The following DMD variants were observed in gnomAD, a reference collection of about 807,000 sequenced individuals.
The protein encoded by DMD is dystrophin, also known as mutant dystrophin.
A neutral mutation model predicts 330.1 loss-of-function variants in DMD; 63 were observed. That is an observed-to-expected ratio of 0.19 (90% CI 0.16 to 0.24). The LOEUF is 0.24. DMD is among the 10% of genes least tolerant of loss of function. DMD has a pLI of 1.00. For synonymous variants in DMD, 1,223 were observed against 959.8 expected (o/e 1.27, Z -5.07); for missense variants, 3,344 against 2,684.1 (o/e 1.25, Z -5.43).
chrX:33,310,214 T>A (rs1222367842), intron 1 of DMD, among the ~76,000 whole-genome samples: 2 of 111,745 alleles, frequency 1.8e-5, no homozygotes, highest in African/African-American at 6.5e-5. Context: ...AAATAATTTA[T>A]TCTGTATAAA....
intron 1 of DMD, among the ~76,000 whole-genome samples, chrX:33,233,906 A>T (rs1266582380): frequency 8.9e-6 from 1 of 112,551 alleles, no homozygotes; most frequent in Non-Finnish European, 1.9e-5. Flanking sequence ...GGGATAACCG[A>T]GCAAAAGCCA....
intron 17 of DMD, among the ~76,000 whole-genome samples, chrX:32,521,857 A>AC (rs2046457283): frequency 8.9e-6 from 1 of 111,823 alleles, no homozygotes; most frequent in African/African-American, 3.3e-5. Context: ...ATATTAAAAG[A>AC]TGGGGCATTT....
At chrX:33,012,015 A>G (rs967668668) in intron 2 of DMD, among the ~76,000 whole-genome samples, 1 of 111,749 alleles carries the variant, frequency 8.9e-6, no homozygotes, top group East Asian at 2.8e-4. Context: ...CCTAGAGACC[A>G]AAACATTTAC....
intron 34 of DMD, among the ~76,000 whole-genome samples, chrX:32,371,600 C>T (rs763019272): frequency 9.0e-6 from 1 of 111,417 alleles, no homozygotes; most frequent in East Asian, 2.8e-4. Flanking sequence ...ATAGATTAGA[C>T]TTTGTCAAAG....
chrX:32,287,748 T>C, intron 42 of DMD, 47 bp from the exon 43 acceptor site: 1 of 912,483 alleles, frequency 1.1e-6, no homozygotes. Flanking sequence ...ATTAGCTGTC[T>C]ATAGAAAGAG....
intron 1 of DMD, among the ~76,000 whole-genome samples, chrX:33,152,528 A>G (rs952471792): frequency 9.4e-6 from 1 of 106,773 alleles, no homozygotes; most frequent in Non-Finnish European, 2.0e-5. Context: ...CCACACACGG[A>G]GTTTGTGATT....
At chrX:32,791,143 G>A (rs1049694861) in intron 7 of DMD, among the ~76,000 whole-genome samples, 6 of 111,456 alleles carry the variant, frequency 5.4e-5, no homozygotes, top group South Asian at 3.8e-4. Flanking sequence ...CCATCTGCAG[G>A]CCTAGGAACT....
intron 7 of DMD, among the ~76,000 whole-genome samples, chrX:32,721,868 A>G (rs1396899651): frequency 1.8e-5 from 2 of 108,798 alleles, no homozygotes; most frequent in Non-Finnish European, 3.8e-5. Flanking sequence ...TTTTGTGTAC[A>G]GTATAAGACA....
At chrX:31,376,152 C>T (rs1001276687) in intron 60 of DMD, among the ~76,000 whole-genome samples, 3 of 112,412 alleles carry the variant, frequency 2.7e-5, no homozygotes, top group Non-Finnish European at 5.6e-5. Context: ...CTCTGAGGAA[C>T]TGCATGGAAG....
At chrX:32,460,571 T>C (rs1272203806) in intron 25 of DMD, among the ~76,000 whole-genome samples, 3 of 111,257 alleles carry the variant, frequency 2.7e-5, no homozygotes. Context: ...TCCATATTCC[T>C]TTCTGACTCA....
rs750432637 is a variant in DMD at position 32,192,903 on chromosome X, C to T, written c.6438+24013G>A. 5.4e-5 allele frequency among the ~76,000 whole-genome samples: 6 copies of T among 111,839 alleles called. No homozygotes were observed. The South Asian group carries it at 2.3e-3, about 43-fold the overall frequency. On this transcript the variant is annotated intron_variant, in intron 44 of 78. Transcript: ENST00000357033. ...ACATGGATATCATTTGGATATGTGT[C>T]CCCGCCCAAATCTCATCTTGAAATG...
chrX:32,292,332 GCT>G (rs1418408329), intron 42 of DMD, among the ~76,000 whole-genome samples: 1 of 40,601 alleles, frequency 2.5e-5, no homozygotes, highest in Admixed American at 3.2e-4. Flanking sequence ...ATGGAGTCTA[GCT>G]CTGTCACCCA....
In DMD at chrX:31,978,941, AG is replaced by A. The variant is rs758534796; in HGVS notation, c.6439-10428del. On this transcript the variant is annotated intron_variant, in intron 44 of 78. Transcript: ENST00000357033. ...TATTGTGAATACATTTTCAAGCAAA[AG>A]TTATCTATCCTATAAATTGGGAATA... Among the ~76,000 whole-genome samples the A allele has an allele frequency of 8.9e-5, 10 of 112,255 alleles. No homozygotes were observed. The South Asian group carries it at 3.7e-3, about 41-fold the overall frequency.
intron 1 of DMD, among the ~76,000 whole-genome samples, chrX:33,202,564 C>T (rs1394539907): frequency 8.9e-6 from 1 of 111,831 alleles, no homozygotes; most frequent in Non-Finnish European, 1.9e-5. Flanking sequence ...TATGCACACA[C>T]AAGGTACTGT....
At chrX:31,875,427 A>AATGTTT in intron 47 of DMD, 54 bp from the exon 48 acceptor site, 2 of 931,634 alleles carry the variant, frequency 2.1e-6, no homozygotes, top group Non-Finnish European at 3.0e-6. Context: ...CATAAGCCAA[A>AATGTTT]ATGTTTAAAA....
intron 1 of DMD, among the ~76,000 whole-genome samples, chrX:33,052,540 G>C (rs1436950529): frequency 9.0e-6 from 1 of 111,109 alleles, no homozygotes; most frequent in Non-Finnish European, 1.9e-5. Context: ...TGATTCAAAG[G>C]GGAATTCAAG....
At chrX:31,601,727 A>C in intron 55 of DMD, among the ~76,000 whole-genome samples, 1 of 111,917 alleles carries the variant, frequency 8.9e-6, no homozygotes, top group Middle Eastern at 4.6e-3. Context: ...AAAAGGAAAA[A>C]GGTGGTATTA....
intron 9 of DMD, among the ~76,000 whole-genome samples, chrX:32,647,183 A>G (rs2059837026): frequency 9.0e-6 from 1 of 111,561 alleles, no homozygotes; most frequent in Admixed American, 9.6e-5. Context: ...TGAAATTGTA[A>G]ATAATTTTAT....
At chrX:32,237,998 T>C (rs762817175) in intron 43 of DMD, among the ~76,000 whole-genome samples, 53 of 112,218 alleles carry the variant, frequency 4.7e-4, no homozygotes, top group Non-Finnish European at 8.1e-4. Context: ...TCTTTGTCTT[T>C]CTTGGTTTCT....
Sources: gnomAD v4.1 joint callset for allele counts (sites outside exome capture counted in the v4.1 genomes callset) on GRCh38, gnomAD v4.1.1 for gene constraint, MANE v1.5 for transcripts, NCBI Gene and HGNC (gene_info 2026-07-23, HGNC 2026-07-21) for gene names.